The following FUT8 variants were observed in gnomAD, a reference collection of about 807,000 sequenced individuals.
FUT8 encodes the protein alpha-(1,6)-fucosyltransferase.
A neutral mutation model predicts 71.3 loss-of-function variants in FUT8; 29 were observed. The ratio of observed to expected loss-of-function variants is 0.41; its 90% CI spans 0.30 to 0.55. The LOEUF (loss-of-function observed/expected upper bound fraction) is 0.55, where lower values mean the gene tolerates loss of function less well. FUT8 is among the 20% of genes least tolerant of loss of function. The pLI, the probability that FUT8 is intolerant of heterozygous loss-of-function variation, is 0.34. For missense variants in FUT8, 544 were observed against 702.1 expected (o/e 0.77, Z 2.55); for synonymous variants, 254 against 239.3 (o/e 1.06, Z -0.57).
chr14:65,447,021 C>T lies in FUT8; in HGVS notation c.-325-8600C>T, dbSNP rs185266670. On this transcript the variant is annotated intron_variant, in intron 1 of 10. Coordinates refer to ENST00000673929, the MANE Select transcript of FUT8 (RefSeq NM_001371533.1). ...CTGCCCCTTTGTCTGTCTCTTCTCTCTCTTCAGCTCTTATAATCTGAAAAT... is the reference window on the plus strand; with the variant it reads ...CTGCCCCTTTGTCTGTCTCTTCTCTTTCTTCAGCTCTTATAATCTGAAAAT... Among the ~76,000 whole-genome samples the T allele has an allele frequency of 1.7e-3, 260 of 152,208 alleles. 1 individual carries two copies. Among genetic ancestry groups the T allele is most frequent in the East Asian group, 4.2e-3 (22 of 5,182 alleles).
intron 6 of FUT8, among the ~76,000 whole-genome samples, chr14:65,664,199 T>C (rs1245322875): frequency 6.6e-6 from 1 of 152,164 alleles, no homozygotes; most frequent in African/African-American, 2.4e-5. Flanking sequence ...GTCACTGTTG[T>C]TTGTCCGTAC....
Position 65,717,403 on chromosome 14 carries a change from C to T in FUT8, c.836-4372C>T, listed in dbSNP as rs140981211. ...CCAGGCAGAGACTCTCCTCACCTCC[C>T]AGATGGGGCAGCTGGGCAGAGGTGG... On this transcript the variant is annotated intron_variant, in intron 7 of 10. Transcript: ENST00000673929. Among the ~76,000 whole-genome samples the T allele has an allele frequency of 5.1e-4, 72 of 142,160 alleles. 1 individual carries two copies. In the East Asian group the frequency reaches 0.011, roughly 21 times the overall value. The allele number at this position is 142,160 out of a possible 152,430, so 93.3% of individuals were successfully genotyped here. A position where few individuals can be genotyped will look rare whatever the true frequency, so the allele number is the denominator to read the frequency against.
intron 2 of FUT8, among the ~76,000 whole-genome samples, chr14:65,461,952 G>A (rs1347257197): frequency 6.6e-6 from 1 of 152,158 alleles, no homozygotes; most frequent in African/African-American, 2.4e-5. Context: ...ATCTGGTAGG[G>A]TGATCTGGTT....
intron 3 of FUT8, among the ~76,000 whole-genome samples, chr14:65,613,009 T>A (rs1200305753): frequency 1.1e-4 from 16 of 152,100 alleles, no homozygotes; most frequent in Admixed American, 1.0e-3. Context: ...CCTGTATTTT[T>A]TTTTTAGAGT....
intron 7 of FUT8, among the ~76,000 whole-genome samples, chr14:65,672,848 A>G (rs946461760): frequency 6.6e-6 from 1 of 152,218 alleles, no homozygotes; most frequent in African/African-American, 2.4e-5. Context: ...TTTCTAGCTT[A>G]TATAAACAAT....
intron 2 of FUT8, among the ~76,000 whole-genome samples, chr14:65,558,696 G>A (rs528234619): frequency 3.2e-4 from 48 of 152,160 alleles, no homozygotes; most frequent in Admixed American, 1.2e-3. Context: ...GTAGTTAGTA[G>A]ATAGGGAAAA....
the FUT8 span, among the ~76,000 whole-genome samples, chr14:65,364,920 C>T: frequency 5.5e-4 from 84 of 152,264 alleles, no homozygotes; most frequent in African/African-American, 1.9e-3. Flanking sequence ...TGAGCCGGGG[C>T]TTACACCTGA....
At chr14:65,732,072 T>G (rs1896010251) in intron 9 of FUT8, among the ~76,000 whole-genome samples, 1 of 152,246 alleles carries the variant, frequency 6.6e-6, no homozygotes, top group South Asian at 2.1e-4. Context: ...TATTTCTGGT[T>G]GTTTTCTTTT....
At chr14:65,621,276 A>G (rs1889593992) in intron 5 of FUT8, among the ~76,000 whole-genome samples, 1 of 151,658 alleles carries the variant, frequency 6.6e-6, no homozygotes, top group Non-Finnish European at 1.5e-5. Context: ...TCTGAGACAG[A>G]GTCTCGCTCT....
At chr14:65,398,239 C>A in the FUT8 span, among the ~76,000 whole-genome samples, 64 of 152,284 alleles carry the variant, frequency 4.2e-4, no homozygotes, top group East Asian at 6.6e-3. Flanking sequence ...TAGCTCACTG[C>A]AGCCTTGACC....
chr14:65,541,610 G>A (rs955632495), intron 2 of FUT8, among the ~76,000 whole-genome samples: 4 of 152,130 alleles, frequency 2.6e-5, no homozygotes, highest in Admixed American at 1.3e-4. Context: ...GGTCCTCAAA[G>A]GACTGAATGA....
At chr14:65,494,457 G>C (rs1344734468) in intron 2 of FUT8, among the ~76,000 whole-genome samples, 1 of 152,134 alleles carries the variant, frequency 6.6e-6, no homozygotes, top group Non-Finnish European at 1.5e-5. Context: ...AAAAGTTTCT[G>C]ATTGAATTAC....
intron 1 of FUT8, among the ~76,000 whole-genome samples, chr14:65,446,968 T>C (rs1329691198): frequency 6.6e-6 from 1 of 152,200 alleles, no homozygotes; most frequent in Non-Finnish European, 1.5e-5. Context: ...CACACCCGAC[T>C]CTGCTATTGT....
intron 7 of FUT8, among the ~76,000 whole-genome samples, chr14:65,706,654 C>T (rs1894570980): frequency 6.6e-6 from 1 of 151,994 alleles, no homozygotes; most frequent in African/African-American, 2.4e-5. Flanking sequence ...TTGCTGTATC[C>T]TCACATGGTA....
At chr14:65,530,619 G>A (rs1427509921) in intron 2 of FUT8, among the ~76,000 whole-genome samples, 1 of 151,982 alleles carries the variant, frequency 6.6e-6, no homozygotes, top group African/African-American at 2.4e-5. Flanking sequence ...ATACATAGCT[G>A]TTAAGTAAAG....
intron 2 of FUT8, among the ~76,000 whole-genome samples, chr14:65,531,938 A>C (rs141530872): frequency 6.6e-6 from 1 of 152,304 alleles, no homozygotes; most frequent in African/African-American, 2.4e-5. Flanking sequence ...ATGTTACTGC[A>C]AAGTACATGA....
At chr14:65,358,381 C>T in the FUT8 span, among the ~76,000 whole-genome samples, 6 of 152,082 alleles carry the variant, frequency 3.9e-5, no homozygotes, top group Admixed American at 6.5e-5. Flanking sequence ...AATATTTAAA[C>T]ACTTTTTAAT....
intron 2 of FUT8, among the ~76,000 whole-genome samples, chr14:65,466,178 G>GT (rs2066041774): frequency 6.6e-6 from 1 of 152,104 alleles, no homozygotes; most frequent in Admixed American, 6.5e-5. Flanking sequence ...TATATTTAGA[G>GT]TGGGATTTTT....
chr14:65,644,833 A>C (rs1391432105), intron 6 of FUT8, among the ~76,000 whole-genome samples: 1 of 152,170 alleles, frequency 6.6e-6, no homozygotes, highest in African/African-American at 2.4e-5. Flanking sequence ...TTGATTTATT[A>C]ACATGGATAA....
Sources: gnomAD v4.1 joint callset for allele counts (sites outside exome capture counted in the v4.1 genomes callset) on GRCh38, gnomAD v4.1.1 for gene constraint, MANE v1.5 for transcripts, NCBI Gene and HGNC (gene_info 2026-07-23, HGNC 2026-07-21) for gene names.